PCDHA5: variants seen among roughly 807,000 people sequenced by gnomAD.
PCDHA5 encodes the protein protocadherin alpha 5, also known as protocadherin alpha-5.
In PCDHA5, 43 loss-of-function variants were observed where a neutral mutation model predicts 61.6. The observed-to-expected ratio is 0.70, with a 90% CI of 0.55 to 0.90. The LOEUF (loss-of-function observed/expected upper bound fraction) is 0.90. Ranked by LOEUF, PCDHA5 falls within the 40% of genes least tolerant of loss-of-function variation. The pLI is 0.00. For missense variants in PCDHA5, 1,298 were observed against 1,222.7 expected, an observed-to-expected ratio of 1.06 and a Z score of -0.92; for synonymous variants, 627 against 543.9, an observed-to-expected ratio of 1.15 and a Z score of -2.13.
At chr5:140,926,538 G>T (rs155362) in intron 1 of PCDHA5, 176,859 of 210,462 alleles carry the variant, frequency 0.84, 75,003 homozygotes, top group African/African-American at 0.96. Context: ...CAGCCAGCGT[G>T]GTGGTCGAGA....
chr5:140,861,353 T>C lies in PCDHA5; in HGVS notation c.2352+37226T>C, dbSNP rs79040493. The C allele has an allele frequency of 1.3e-3, 424 of 327,094 alleles. 1 individual carries two copies. Among genetic ancestry groups the C allele is most frequent in the African/African-American group, 8.5e-3 (393 of 46,466 alleles). The allele number at this position is 327,094 out of a possible 1,614,324, so 20.3% of individuals were successfully genotyped here. On this transcript the variant is annotated intron_variant, in intron 1 of 3. Coordinates refer to ENST00000529859, the MANE Select transcript of PCDHA5 (RefSeq NM_018908.3). ...CCTGGAAGAGGCCAAGGACGGCACA[T>C]AGCGTCTTCGCGGTCCCTATTGCGC...
intron 1 of PCDHA5, chr5:140,884,142 G>A (rs782033390): frequency 5.6e-6 from 9 of 1,613,298 alleles, no homozygotes; most frequent in African/African-American, 1.3e-5. Flanking sequence ...TTCCGCGTGG[G>A]GCTGTACACT....
chr5:140,835,368 C>T, intron 1 of PCDHA5: 2 of 1,613,924 alleles, frequency 1.2e-6, no homozygotes, highest in Non-Finnish European at 1.7e-6. Context: ...AGGCTTCCCA[C>T]CCCTGGCTGG....
intron 1 of PCDHA5, among the ~76,000 whole-genome samples, chr5:140,926,033 G>A (rs1554203080): frequency 6.6e-6 from 1 of 152,070 alleles, no homozygotes; most frequent in Non-Finnish European, 1.5e-5. Flanking sequence ...AGTTTGATGC[G>A]GACACTATTC....
In PCDHA5 at chr5:140,829,409, A is replaced by G. The variant is rs2150167358; in HGVS notation, c.2352+5282A>G. 6 of 1,614,026 alleles carry G rather than the reference A, an allele frequency of 3.7e-6. No individual in the cohort carries two copies. In the African/African-American group the frequency reaches 8.0e-5, roughly 22 times the overall value. On this transcript the variant is annotated intron_variant, in intron 1 of 3. Coordinates refer to ENST00000529859, the MANE Select transcript of PCDHA5 (RefSeq NM_018908.3). Reference sequence around the variant, plus strand: ...CTCGCCTTCGCTGTGGGCCACCGCCAGCTTGTCTGTGGAGGTGGCCGACAT... The same window carrying G: ...CTCGCCTTCGCTGTGGGCCACCGCCGGCTTGTCTGTGGAGGTGGCCGACAT...
At chr5:140,829,288 C>T (rs1263558047) in intron 1 of PCDHA5, 3 of 1,614,248 alleles carry the variant, frequency 1.9e-6, no homozygotes, top group Non-Finnish European at 1.7e-6. Context: ...AGCTGGTGTC[C>T]ACCTTCAAGA....
chr5:140,960,331 A>G (rs1157705398), intron 1 of PCDHA5, among the ~76,000 whole-genome samples: 1 of 152,230 alleles, frequency 6.6e-6, no homozygotes, highest in African/African-American at 2.4e-5. Flanking sequence ...TGTGAGAAGT[A>G]CATGAGGTGA....
intron 1 of PCDHA5, among the ~76,000 whole-genome samples, chr5:140,924,406 C>T (rs1353288147): frequency 6.6e-6 from 1 of 152,132 alleles, no homozygotes; most frequent in Non-Finnish European, 1.5e-5. Context: ...CCTTATATCA[C>T]AGTGTGCCCT....
intron 1 of PCDHA5, chr5:140,849,616 T>G: frequency 6.3e-7 from 1 of 1,598,694 alleles, no homozygotes; most frequent in South Asian, 1.1e-5. Context: ...CTGATTAGTG[T>G]GATCGACCTA....
At chr5:140,883,316 G>A in intron 1 of PCDHA5, 1 of 1,614,078 alleles carries the variant, frequency 6.2e-7, no homozygotes, top group East Asian at 2.2e-5. Context: ...CGCCCCAGAG[G>A]TTACCATCAC....
At chr5:140,993,543 G>C (rs1263683239) in intron 3 of PCDHA5, among the ~76,000 whole-genome samples, 1 of 151,590 alleles carries the variant, frequency 6.6e-6, no homozygotes, top group Non-Finnish European at 1.5e-5. Context: ...GAGAGATAGA[G>C]AAGTGAAGTA....
At position 140,821,687 on chromosome 5, in the gene PCDHA5, T is replaced by C; in HGVS notation, c.-89T>C. 1.5e-6 allele frequency: 2 copies of C among 1,378,436 alleles called. No homozygotes were observed. Among genetic ancestry groups the C allele is most frequent in the Non-Finnish European group, 2.0e-6 (2 of 1,012,094 alleles). The allele number at this position is 1,378,436 out of a possible 1,614,324, so 85.4% of individuals were successfully genotyped here. A position where few individuals can be genotyped will look rare whatever the true frequency, so the allele number is the denominator to read the frequency against. ...CAAGAAGCTCAGAAAGGCGATAATA[T>C]AAAAAATATATAGTTAATTGGGAAT... On this transcript the variant is annotated 5_prime_UTR_variant, in exon 1 of 4. Coordinates refer to ENST00000529859, the MANE Select transcript of PCDHA5 (RefSeq NM_018908.3).
At chr5:140,862,877 G>A (rs782429840) in intron 1 of PCDHA5, 3 of 567,440 alleles carry the variant, frequency 5.3e-6, no homozygotes, top group African/African-American at 3.8e-5. Context: ...CCAGGTATTA[G>A]TGCTGGAACG....
chr5:140,932,593 A>G (rs1347990722), intron 1 of PCDHA5, among the ~76,000 whole-genome samples: 1 of 151,922 alleles, frequency 6.6e-6, no homozygotes, highest in African/African-American at 2.4e-5. Flanking sequence ...GATGTTTTGT[A>G]TATCTATTTT....
At chr5:141,004,255 G>T (rs782648685) in intron 3 of PCDHA5, among the ~76,000 whole-genome samples, 2 of 152,190 alleles carry the variant, frequency 1.3e-5, no homozygotes, top group Non-Finnish European at 2.9e-5. Flanking sequence ...TTGTTTTACT[G>T]GAATGAGTCA....
chr5:140,893,106 C>T (rs1226663436), intron 1 of PCDHA5, among the ~76,000 whole-genome samples: 3 of 152,170 alleles, frequency 2.0e-5, no homozygotes, highest in African/African-American at 4.8e-5. Flanking sequence ...GATAATATTC[C>T]GTTGTGCATA....
Position 141,009,779 on chromosome 5 carries a change from A to G in PCDHA5, c.2653A>G (p.Ile885Val), listed in dbSNP as rs1289763016. 3.7e-6 allele frequency: 6 copies of G among 1,613,952 alleles called. No individual in the cohort carries two copies. Among genetic ancestry groups the G allele is most frequent in the Non-Finnish European group, 5.1e-6 (6 of 1,180,030 alleles). ...CCCAGGATCTCCTGCAATCATCTCCATCCGGCAGGAGCCTACTAACAGCCA... is the reference window on the plus strand; with the variant it reads ...CCCAGGATCTCCTGCAATCATCTCCGTCCGGCAGGAGCCTACTAACAGCCA... ...IIPGSPAIIS[I>V]RQEPTNSQID... The change falls in exon 4 of 4, where the codon ATC becomes GTC. Residue 885 changes from isoleucine to valine, a missense_variant. Coordinates refer to ENST00000529859, the MANE Select transcript of PCDHA5 (RefSeq NM_018908.3).
chr5:140,863,356 CGGT>C, intron 1 of PCDHA5: 1 of 1,255,142 alleles, frequency 8.0e-7, no homozygotes, highest in Non-Finnish European at 1.1e-6. Flanking sequence ...CACGACGCTG[CGGT>C]GCTTGGCGCA....
chr5:140,838,098 G>T (rs1775538367), intron 1 of PCDHA5, among the ~76,000 whole-genome samples: 1 of 147,360 alleles, frequency 6.8e-6, no homozygotes, highest in African/African-American at 2.6e-5. Flanking sequence ...GTGTGTGTGT[G>T]TGTGTGTGTG....
Sources: allele counts gnomAD v4.1 joint callset (sites outside exome capture counted in the v4.1 genomes callset), GRCh38; gene constraint gnomAD v4.1.1; transcripts MANE v1.5; gene names NCBI Gene and HGNC (gene_info 2026-07-23, HGNC 2026-07-21).